SLC8A1: variants seen among roughly 807,000 people sequenced by gnomAD.
The protein encoded by SLC8A1 is solute carrier family 8 member A1.
Under a neutral mutation model 68.3 loss-of-function variants are expected in SLC8A1, and 18 were observed. That is an observed-to-expected ratio of 0.26 (90% CI 0.18 to 0.39). The LOEUF is 0.39. Among genes scored for constraint, SLC8A1 ranks in the 10% least tolerant of loss-of-function variants. The probability of loss-of-function intolerance (pLI) is 1.00; values close to 1 mark genes in which losing one functional copy is unlikely to be tolerated. For synonymous variants in SLC8A1, 475 were observed against 415.5 expected (o/e 1.14, Z -1.74); for missense variants, 985 against 1,156.7 (o/e 0.85, Z 2.15).
chr2:40,154,820 ACACCC>A (rs1405581022), intron 6 of SLC8A1, among the ~76,000 whole-genome samples: 1 of 151,338 alleles, frequency 6.6e-6, no homozygotes, highest in African/African-American at 2.4e-5. Flanking sequence ...ATGCACTATC[ACACCC>A]GGCTAATTTT....
intron 1 of SLC8A1, among the ~76,000 whole-genome samples, chr2:40,475,586 TACATATGTACATG>T (rs1240751187): frequency 6.6e-6 from 1 of 152,102 alleles, no homozygotes; most frequent in Non-Finnish European, 1.5e-5. Flanking sequence ...TTAACATAAA[TACATATGTACATG>T]ACATATGTAC....
chr2:40,441,624 C>A (rs1700503947), intron 1 of SLC8A1, among the ~76,000 whole-genome samples: 1 of 152,038 alleles, frequency 6.6e-6, no homozygotes, highest in East Asian at 1.9e-4. Flanking sequence ...ACATCTACAA[C>A]CATCTGATCT....
chr2:40,232,131 G>A (rs1274371337), intron 2 of SLC8A1, among the ~76,000 whole-genome samples: 1 of 152,096 alleles, frequency 6.6e-6, no homozygotes, highest in Non-Finnish European at 1.5e-5. Context: ...GAAGGTCAAA[G>A]CACAAAGGAT....
intron 4 of SLC8A1, among the ~76,000 whole-genome samples, chr2:40,169,985 T>A (rs1183823214): frequency 6.6e-6 from 1 of 152,098 alleles, no homozygotes; most frequent in Non-Finnish European, 1.5e-5. Flanking sequence ...GGATAAAAAC[T>A]GATGTGCGAG....
chr2:40,334,165 A>G (rs1665182134), intron 2 of SLC8A1, among the ~76,000 whole-genome samples: 1 of 152,228 alleles, frequency 6.6e-6, no homozygotes, highest in East Asian at 1.9e-4. Flanking sequence ...AAGGAGCCTT[A>G]GAGACTATCC....
chr2:40,349,669 G>A (rs924977225), intron 2 of SLC8A1, among the ~76,000 whole-genome samples: 7 of 152,164 alleles, frequency 4.6e-5, no homozygotes, highest in Non-Finnish European at 1.5e-5. Flanking sequence ...TTCAGTAAGT[G>A]AGGTATTTAT....
At chr2:40,206,350 T>C (rs2055442899) in intron 2 of SLC8A1, among the ~76,000 whole-genome samples, 1 of 152,102 alleles carries the variant, frequency 6.6e-6, no homozygotes, top group Non-Finnish European at 1.5e-5. Context: ...GTCCTGAATG[T>C]AATTATTTGA....
chr2:40,195,421 G>C (rs532330011), intron 2 of SLC8A1, among the ~76,000 whole-genome samples: 1 of 152,012 alleles, frequency 6.6e-6, no homozygotes, highest in East Asian at 1.9e-4. Context: ...ACGGTGGAGT[G>C]GGGCTGAGAA....
chr2:40,374,738 G>A (rs1194286443), intron 2 of SLC8A1, among the ~76,000 whole-genome samples: 1 of 151,952 alleles, frequency 6.6e-6, no homozygotes, highest in Non-Finnish European at 1.5e-5. Context: ...TATCAGCCTG[G>A]CCTGATACAG....
chr2:40,207,361 G>C (rs936626388), intron 2 of SLC8A1, among the ~76,000 whole-genome samples: 1 of 151,940 alleles, frequency 6.6e-6, no homozygotes, highest in African/African-American at 2.4e-5. Flanking sequence ...TGCCCTTAGG[G>C]AGAATGACAA....
At chr2:40,261,926 C>A (rs1234807199) in intron 2 of SLC8A1, among the ~76,000 whole-genome samples, 1 of 151,116 alleles carries the variant, frequency 6.6e-6, no homozygotes, top group Non-Finnish European at 1.5e-5. Context: ...ATTTGCTCCA[C>A]AATTGTAAGC....
At chr2:40,312,351 G>C (rs1420546932) in intron 2 of SLC8A1, among the ~76,000 whole-genome samples, 1 of 151,998 alleles carries the variant, frequency 6.6e-6, no homozygotes, top group East Asian at 1.9e-4. Flanking sequence ...CAACTGTGAG[G>C]GGTACTATTT....
intron 2 of SLC8A1, among the ~76,000 whole-genome samples, chr2:40,251,983 G>A (rs2062829003): frequency 6.6e-6 from 1 of 151,476 alleles, no homozygotes; most frequent in Admixed American, 6.6e-5. Flanking sequence ...ATAAAGTTTA[G>A]TGAGAAAAAA....
At chr2:40,136,938 A>G (rs554974436) in intron 7 of SLC8A1, among the ~76,000 whole-genome samples, 9 of 152,330 alleles carry the variant, frequency 5.9e-5, no homozygotes, top group African/African-American at 1.9e-4. Flanking sequence ...TCTCTCAATA[A>G]CAGCACAAAG....
intron 2 of SLC8A1, among the ~76,000 whole-genome samples, chr2:40,354,966 C>T (rs988944256): frequency 4.6e-5 from 7 of 152,110 alleles, no homozygotes; most frequent in African/African-American, 9.7e-5. Context: ...TAGAGAAATG[C>T]TTTTTGAAGA....
intron 2 of SLC8A1, among the ~76,000 whole-genome samples, chr2:40,256,417 A>C (rs1224145837): frequency 3.3e-5 from 5 of 152,244 alleles, no homozygotes; most frequent in Admixed American, 2.6e-4. Context: ...ACATATACAC[A>C]TATATGCATT....
chr2:40,320,175 A>G (rs1442015509), intron 2 of SLC8A1, among the ~76,000 whole-genome samples: 1 of 152,092 alleles, frequency 6.6e-6, no homozygotes, highest in Non-Finnish European at 1.5e-5. Context: ...TTTTTATTTA[A>G]TGTAAGTGCC....
At chr2:40,464,772 G>A (rs943771024) in intron 1 of SLC8A1, among the ~76,000 whole-genome samples, 1 of 152,334 alleles carries the variant, frequency 6.6e-6, no homozygotes, top group South Asian at 2.1e-4. Flanking sequence ...CCACCAGTTG[G>A]TGGGAGTCAA....
At position 40,291,280 on chromosome 2, in the gene SLC8A1, T is replaced by G. The variant is rs79552940; in HGVS notation, c.1809-113425A>C. Among the ~76,000 whole-genome samples the G allele has an allele frequency of 4.8e-4, 73 of 152,262 alleles. 1 individual carries two copies. The East Asian group carries it at 0.013, about 27-fold the overall frequency. On this transcript the variant is annotated intron_variant, in intron 2 of 7. Transcript: ENST00000406785. ...GAATATTGAGAAGGCTTGTCCAAAGTGTTCAATCAGTGATTTTGAGTTTAT... is the reference window on the plus strand; with the variant it reads ...GAATATTGAGAAGGCTTGTCCAAAGGGTTCAATCAGTGATTTTGAGTTTAT...
Sources: allele counts gnomAD v4.1 joint callset (sites outside exome capture counted in the v4.1 genomes callset), GRCh38; gene constraint gnomAD v4.1.1; transcripts MANE v1.5; gene names NCBI Gene and HGNC (gene_info 2026-07-23, HGNC 2026-07-21).